The following SLC25A21 variants were observed in gnomAD, a reference collection of about 807,000 sequenced individuals.
SLC25A21 encodes mitochondrial 2-oxodicarboxylate carrier.
Under a neutral mutation model 43.8 loss-of-function variants are expected in SLC25A21, and 47 were observed. The ratio of observed to expected loss-of-function variants is 1.07; its 90% CI spans 0.85 to 1.37. SLC25A21 has a LOEUF of 1.37. Ranked by LOEUF, SLC25A21 falls within the 40% of genes most tolerant of loss-of-function variation. The probability of loss-of-function intolerance (pLI) is 0.00; values close to 1 mark genes in which losing one functional copy is unlikely to be tolerated. For synonymous variants in SLC25A21, 131 were observed against 121.3 expected (o/e 1.08, Z -0.52); for missense variants, 352 against 350.2 (o/e 1.00, Z -0.04).
chr14:36,695,438 T>C (rs927176088), intron 7 of SLC25A21, among the ~76,000 whole-genome samples: 1 of 152,200 alleles, frequency 6.6e-6, no homozygotes, highest in African/African-American at 2.4e-5. Context: ...TTTTTTCCAA[T>C]TGTGTGAAGA....
chr14:36,984,949 G>T (rs1323713867), intron 1 of SLC25A21, among the ~76,000 whole-genome samples: 1 of 151,066 alleles, frequency 6.6e-6, no homozygotes, highest in Non-Finnish European at 1.5e-5. Context: ...ATGATAGACT[G>T]GATTAAGAAA....
intron 1 of SLC25A21, among the ~76,000 whole-genome samples, chr14:37,100,070 T>C (rs1435930043): frequency 6.6e-6 from 1 of 151,890 alleles, no homozygotes. Context: ...TTTCTTTTGT[T>C]TTTTTTGAGA....
intron 1 of SLC25A21, among the ~76,000 whole-genome samples, chr14:37,162,188 T>C (rs924253033): frequency 7.9e-5 from 12 of 152,138 alleles, no homozygotes; most frequent in Non-Finnish European, 1.8e-4. Context: ...AAGAAATTTC[T>C]GAAAATTTTC....
At chr14:37,067,864 G>C (rs992323694) in intron 1 of SLC25A21, among the ~76,000 whole-genome samples, 3 of 152,144 alleles carry the variant, frequency 2.0e-5, no homozygotes. Flanking sequence ...AATTTAAAAG[G>C]ATAGGATTAA....
intron 1 of SLC25A21, among the ~76,000 whole-genome samples, chr14:37,124,287 C>T (rs1162620619): frequency 1.3e-5 from 2 of 151,962 alleles, no homozygotes; most frequent in Admixed American, 6.6e-5. Context: ...CTTTAAGATA[C>T]TTCCTTCTTA....
intron 1 of SLC25A21, among the ~76,000 whole-genome samples, chr14:37,023,727 A>T (rs1336151266): frequency 6.6e-6 from 1 of 151,948 alleles, no homozygotes; most frequent in East Asian, 1.9e-4. Flanking sequence ...CTTGCTTCAA[A>T]TAATACTTCT....
intron 1 of SLC25A21, among the ~76,000 whole-genome samples, chr14:37,144,928 G>GTTGT (rs1356302734): frequency 6.9e-6 from 1 of 143,960 alleles, no homozygotes; most frequent in Non-Finnish European, 1.5e-5. Context: ...CTGGGTGGTT[G>GTTGT]TTGTTGTTGT....
At chr14:36,686,420 AG>A in intron 7 of SLC25A21, among the ~76,000 whole-genome samples, 1 of 152,300 alleles carries the variant, frequency 6.6e-6, no homozygotes, top group South Asian at 2.1e-4. Flanking sequence ...GCACAGAAGC[AG>A]AACTGGAGCT....
rs147399778 is a variant in SLC25A21, at chr14:37,148,192, A to C, written c.70+24089T>G. On this transcript the variant is annotated intron_variant, in intron 1 of 9. Coordinates refer to ENST00000331299, the MANE Select transcript of SLC25A21 (RefSeq NM_030631.4). ...GTTTTTCCTACATATGGTAACTGTG[A>C]GTCTTTTTTCATTCAACTTGCCCGC... Among the ~76,000 whole-genome samples, 524 of 152,134 alleles carry C rather than the reference A, an allele frequency of 3.4e-3. 1 individual carries two copies. The highest frequency in any genetic ancestry group is 0.012 in the African/African-American group (491 of 41,532).
At chr14:36,775,744 C>A (rs1886796725) in intron 3 of SLC25A21, among the ~76,000 whole-genome samples, 11 of 152,164 alleles carry the variant, frequency 7.2e-5, no homozygotes, top group Admixed American at 5.9e-4. Context: ...CTGTGAGTGA[C>A]CTTTGTGCCA....
At chr14:37,144,165 G>T (rs1156702209) in intron 1 of SLC25A21, among the ~76,000 whole-genome samples, 1 of 152,160 alleles carries the variant, frequency 6.6e-6, no homozygotes, top group African/African-American at 2.4e-5. Flanking sequence ...TTGGGAAAAG[G>T]ACTGACAGAT....
intron 1 of SLC25A21, among the ~76,000 whole-genome samples, chr14:37,010,847 C>T (rs1960715276): frequency 6.6e-6 from 1 of 152,106 alleles, no homozygotes; most frequent in South Asian, 2.1e-4. Flanking sequence ...TGGGCTGAAG[C>T]AATCCTCCTG....
At chr14:37,168,190 C>G (rs1964064212) in intron 1 of SLC25A21, among the ~76,000 whole-genome samples, 1 of 152,034 alleles carries the variant, frequency 6.6e-6, no homozygotes, top group Non-Finnish European at 1.5e-5. Flanking sequence ...TCTTCTCATT[C>G]TCATCTTTAA....
chr14:36,808,257 C>T (rs1888114626), intron 3 of SLC25A21, among the ~76,000 whole-genome samples: 1 of 152,088 alleles, frequency 6.6e-6, no homozygotes, highest in Non-Finnish European at 1.5e-5. Flanking sequence ...CATAAGAGAG[C>T]TAAGGAACAA....
At chr14:36,834,437 T>C (rs116700531) in intron 2 of SLC25A21, among the ~76,000 whole-genome samples, 1,537 of 152,310 alleles carry the variant, frequency 0.01, 37 homozygotes, top group African/African-American at 0.035. Flanking sequence ...AGCCTTTCTG[T>C]TTCTTTATCT....
At chr14:37,164,407 T>G (rs1963997934) in intron 1 of SLC25A21, among the ~76,000 whole-genome samples, 1 of 152,198 alleles carries the variant, frequency 6.6e-6, no homozygotes, top group Admixed American at 6.5e-5. Flanking sequence ...CTTTGATGTG[T>G]CATAAAGGCT....
intron 3 of SLC25A21, among the ~76,000 whole-genome samples, chr14:36,785,935 A>T (rs567053807): frequency 1.3e-5 from 2 of 152,356 alleles, no homozygotes; most frequent in South Asian, 2.1e-4. Context: ...CTGGAAATAG[A>T]TACTGAAATC....
chr14:37,049,971 A>C (rs945314390), intron 1 of SLC25A21, among the ~76,000 whole-genome samples: 5 of 152,246 alleles, frequency 3.3e-5, no homozygotes, highest in African/African-American at 9.6e-5. Flanking sequence ...TATAGACTGT[A>C]ATATATACAT....
At chr14:36,763,652 G>A (rs1261566535) in intron 3 of SLC25A21, among the ~76,000 whole-genome samples, 1 of 152,054 alleles carries the variant, frequency 6.6e-6, no homozygotes, top group East Asian at 1.9e-4. Flanking sequence ...TTGATTTGAT[G>A]TGGGTGCTCA....
Sources: gnomAD v4.1 joint callset for allele counts (sites outside exome capture counted in the v4.1 genomes callset) on GRCh38, gnomAD v4.1.1 for gene constraint, MANE v1.5 for transcripts, NCBI Gene and HGNC (gene_info 2026-07-23, HGNC 2026-07-21) for gene names.